Variants in TMEM87B observed in about 807,000 individuals in gnomAD.
TMEM87B encodes transmembrane protein 87B.
A neutral mutation model predicts 80.3 loss-of-function variants in TMEM87B; 83 were observed. The ratio of observed to expected loss-of-function variants is 1.03; its 90% CI spans 0.87 to 1.24. The LOEUF (loss-of-function observed/expected upper bound fraction) is 1.24, where lower values mean the gene tolerates loss of function less well. Among genes scored for constraint, TMEM87B ranks in the 50% most tolerant of loss-of-function variants. The pLI, the probability that TMEM87B is intolerant of heterozygous loss-of-function variation, is 0.00. For missense variants in TMEM87B, 625 were observed against 674.4 expected (o/e 0.93, Z 0.81); for synonymous variants, 219 against 230.5 (o/e 0.95, Z 0.45).
chr2:112,093,003 AT>A (rs1679349721), intron 11 of TMEM87B, among the ~76,000 whole-genome samples: 1 of 152,090 alleles, frequency 6.6e-6, no homozygotes, highest in South Asian at 2.1e-4. Context: ...TTTGATACTT[AT>A]GTCTTTTAGC....
intron 2 of TMEM87B, among the ~76,000 whole-genome samples, chr2:112,061,220 A>C (rs1220116071): frequency 6.6e-6 from 1 of 152,152 alleles, no homozygotes; most frequent in Non-Finnish European, 1.5e-5. Context: ...TTTTCATTGG[A>C]TCGTATTCAT....
In TMEM87B at chr2:112,098,679, C is replaced by A. The variant is rs1374685819; in HGVS notation, c.1357C>A (p.Pro453Thr). 1.2e-6 allele frequency: 2 copies of A among 1,613,930 alleles called. No homozygotes were observed. The highest frequency in any genetic ancestry group is 1.7e-6 in the Non-Finnish European group (2 of 1,179,964). Residue 453 changes from proline to threonine, a missense_variant, in exon 14 of 19, where the codon CCA becomes ACA. Transcript: ENST00000283206. ...ILIVIMFLWR[P>T]SANNQRYAFM... ...TATTGTAATCATGTTTTTGTGGAGACCATCAGCAAACAATCAGAGGTACCT... is the reference window on the plus strand; with the variant it reads ...TATTGTAATCATGTTTTTGTGGAGAACATCAGCAAACAATCAGAGGTACCT...
intron 4 of TMEM87B, among the ~76,000 whole-genome samples, chr2:112,073,987 C>G (rs1031479145): frequency 3.3e-5 from 5 of 152,052 alleles, no homozygotes; most frequent in African/African-American, 4.8e-5. Context: ...CTGTGGGTGT[C>G]GTTATATGTG....
At chr2:112,108,982 C>T (rs1679842474) in intron 17 of TMEM87B, among the ~76,000 whole-genome samples, 1 of 152,126 alleles carries the variant, frequency 6.6e-6, no homozygotes, top group African/African-American at 2.4e-5. Flanking sequence ...TTATTATTGT[C>T]CACCTTTTTG....
intron 17 of TMEM87B, among the ~76,000 whole-genome samples, chr2:112,110,083 AT>A (rs1288883582): frequency 6.6e-6 from 1 of 152,016 alleles, no homozygotes; most frequent in Admixed American, 6.6e-5. Flanking sequence ...TATTTTTGAC[AT>A]TTTGGTCCAG....
At chr2:112,111,563 T>C (rs1679917435) in intron 17 of TMEM87B, among the ~76,000 whole-genome samples, 1 of 152,212 alleles carries the variant, frequency 6.6e-6, no homozygotes, top group South Asian at 2.1e-4. Flanking sequence ...TTGGGAACCT[T>C]TGCTTCTTCA....
intron 11 of TMEM87B, among the ~76,000 whole-genome samples, chr2:112,092,382 C>T (rs548091355): frequency 7.2e-5 from 11 of 152,178 alleles, no homozygotes; most frequent in South Asian, 2.1e-4. Context: ...CCTTGGCAGG[C>T]GGTTCAGGGA....
chr2:112,086,519 T>A (rs1679150380), intron 9 of TMEM87B, among the ~76,000 whole-genome samples: 2 of 152,238 alleles, frequency 1.3e-5, no homozygotes, highest in South Asian at 4.1e-4. Flanking sequence ...AGGACTCTGC[T>A]TCTGGACCTT....
At position 112,081,395 on chromosome 2, in the gene TMEM87B, G is replaced by T; in HGVS notation, c.715G>T (p.Ala239Ser). The change falls in exon 8 of 19, where the codon GCC (alanine) becomes TCC (serine). Residue 239 changes from alanine (A) to serine (S), a missense_variant. Ala to Ser is a moderately conservative substitution (Grantham distance 99). Coordinates refer to ENST00000283206, the MANE Select transcript of TMEM87B (RefSeq NM_032824.3). ...TGGCATACTCTGGCTGACGTGGTCT[G>T]CCTGTTATTGGAAAGATATATTAAG... ...LYGILWLTWS[A>S]CYWKDILRIQ... The T allele has an allele frequency of 1.2e-6, 2 of 1,613,788 alleles. No homozygotes were observed. The highest frequency in any genetic ancestry group is 1.3e-5 in the African/African-American group (1 of 75,006).
intron 11 of TMEM87B, among the ~76,000 whole-genome samples, chr2:112,095,881 A>C (rs1679454199): frequency 6.6e-6 from 1 of 152,128 alleles, no homozygotes; most frequent in South Asian, 2.1e-4. Flanking sequence ...GAGCAGAGAG[A>C]GCTGGCTTGA....
At chr2:112,107,731 TA>T in intron 16 of TMEM87B, 56 bp from the exon 17 acceptor site, 1 of 1,005,586 alleles carries the variant, frequency 9.9e-7, no homozygotes. Flanking sequence ...TATTCTGTTT[TA>T]AAAATTCTGC....
chr2:112,098,686 C>G lies in TMEM87B; in HGVS notation c.1364C>G (p.Ala455Gly). Residue 455 changes from alanine to glycine, a missense_variant, in exon 14 of 19, where the codon GCA becomes GGA. By Grantham distance (60) the Ala-to-Gly change is moderately conservative. Transcript: ENST00000283206. ...IVIMFLWRPS[A>G]NNQRYAFMPL... Reference sequence around the variant, plus strand: ...ATCATGTTTTTGTGGAGACCATCAGCAAACAATCAGAGGTACCTAACATAG... The same window carrying G: ...ATCATGTTTTTGTGGAGACCATCAGGAAACAATCAGAGGTACCTAACATAG... 3 of 1,613,968 alleles carry G rather than the reference C, an allele frequency of 1.9e-6. No individual in the cohort carries two copies. The highest frequency in any genetic ancestry group is 1.1e-5 in the South Asian group (1 of 91,076).
intron 17 of TMEM87B, among the ~76,000 whole-genome samples, chr2:112,110,631 G>A (rs989314168): frequency 6.6e-6 from 1 of 152,062 alleles, no homozygotes; most frequent in African/African-American, 2.4e-5. Context: ...CCATCAGTGC[G>A]CATGAATTGT....
In TMEM87B at chr2:112,118,439, A is replaced by G. The variant is rs1002968623; in HGVS notation, c.*2296A>G. On this transcript the variant is annotated 3_prime_UTR_variant, in exon 19 of 19. Coordinates refer to ENST00000283206, the MANE Select transcript of TMEM87B (RefSeq NM_032824.3). ...GGTGGGTCTCACTGTTAGTGAGGATACGGGTCTGGTTTGATGTTTTTCTAG... is the reference window on the plus strand; with the variant it reads ...GGTGGGTCTCACTGTTAGTGAGGATGCGGGTCTGGTTTGATGTTTTTCTAG... 6.6e-6 allele frequency: 1 copy of G among 152,166 alleles called. No homozygotes were observed. Among genetic ancestry groups the G allele is most frequent in the Admixed American group, 6.5e-5 (1 of 15,286 alleles). 9.4% of individuals were successfully genotyped at this position (152,166 alleles called of 1,614,324 possible).
In TMEM87B at chr2:112,064,921, T is replaced by TGTATATAC. The variant is rs1466035616; in HGVS notation, c.318+668_318+669insGTATATAC. ...AATTATATATGTATATATGTATATA[T>TGTATATAC]CTATACATATACATATATGTGTACA... is the stretch of plus-strand genomic sequence containing the variant. On this transcript the variant is annotated intron_variant, in intron 3 of 18. Coordinates refer to ENST00000283206, the MANE Select transcript of TMEM87B (RefSeq NM_032824.3). Among the ~76,000 whole-genome samples the TGTATATAC allele has an allele frequency of 1.3e-5, 2 of 151,902 alleles. 1 individual carries two copies. Among genetic ancestry groups the TGTATATAC allele is most frequent in the Non-Finnish European group, 2.9e-5 (2 of 67,986 alleles).
chr2:112,115,801 A>G (rs1680005610), intron 18 of TMEM87B, among the ~76,000 whole-genome samples: 1 of 152,034 alleles, frequency 6.6e-6, no homozygotes, highest in Admixed American at 6.5e-5. Flanking sequence ...GTTATTTTTT[A>G]ATTTTTAAAT....
At chr2:112,074,549 T>A (rs995312477) in intron 4 of TMEM87B, among the ~76,000 whole-genome samples, 5 of 151,938 alleles carry the variant, frequency 3.3e-5, no homozygotes, top group East Asian at 3.9e-4. Flanking sequence ...TTGGGGATGA[T>A]CTTCTTATAA....
intron 2 of TMEM87B, among the ~76,000 whole-genome samples, chr2:112,060,342 C>T (rs1379931667): frequency 1.3e-5 from 1 of 78,140 alleles, no homozygotes; most frequent in Non-Finnish European, 3.2e-5. Flanking sequence ...CAGTGAGACT[C>T]TGTCTCAAAA....
chr2:112,099,545 TATATATATATAC>T lies in TMEM87B; in HGVS notation c.1376+849_1376+860del, dbSNP rs1362070243. On this transcript the variant is annotated intron_variant, in intron 14 of 18. Coordinates refer to ENST00000283206, the MANE Select transcript of TMEM87B (RefSeq NM_032824.3). Reference sequence around the variant, plus strand: ...TAATACATATATATATATATATATATATATATATATACACACACACACGCATATACATACACA... The same window carrying T: ...TAATACATATATATATATATATATATACACACACACGCATATACATACACA... Among the ~76,000 whole-genome samples the T allele has an allele frequency of 2.4e-3, 275 of 114,318 alleles. 4 individuals carry two copies. Among genetic ancestry groups the T allele is most frequent in the African/African-American group, 3.7e-3 (98 of 26,308 alleles). The allele number at this position is 114,318 out of a possible 152,430, so 75.0% of individuals were successfully genotyped here. A position where few individuals can be genotyped will look rare whatever the true frequency, so the allele number is the denominator to read the frequency against.
Sources: gnomAD v4.1 joint callset for allele counts (sites outside exome capture counted in the v4.1 genomes callset) on GRCh38, gnomAD v4.1.1 for gene constraint, MANE v1.5 for transcripts, NCBI Gene and HGNC (gene_info 2026-07-23, HGNC 2026-07-21) for gene names.